KRT24: variants seen among roughly 807,000 people sequenced by gnomAD.
KRT24 encodes the protein keratin 24.
KRT24 carries 44 observed loss-of-function variants against 51.7 expected under a neutral mutation model. That is an observed-to-expected ratio of 0.85 (90% CI 0.67 to 1.09). The LOEUF is 1.09. KRT24 is among the 50% of genes least tolerant of loss of function. The pLI is 0.00. For synonymous variants in KRT24, 241 were observed against 249.5 expected, an observed-to-expected ratio of 0.97 and a Z score of 0.32; for missense variants, 633 against 647.0, an observed-to-expected ratio of 0.98 and a Z score of 0.24.
chr17:40,698,584 C>T lies in KRT24; in HGVS notation c.1428G>A (p.Leu476=). 1 of 1,613,186 alleles carries T rather than the reference C, an allele frequency of 6.2e-7. No individual in the cohort carries two copies. ...TTCCAGATCTTGAGTCACCAGATACCAGATCCCTGGATCCCATGTTTACAG... is the reference window on the plus strand; with the variant it reads ...TTCCAGATCTTGAGTCACCAGATACTAGATCCCTGGATCCCATGTTTACAG... ...SGSVNMGSRD[L]VSGDSRSGSC... Residue 476 remains leucine, a synonymous_variant, in exon 7 of 8, where the codon CTG becomes CTA. Transcript: ENST00000264651.
chr17:40,703,637 C>G lies in KRT24; in HGVS notation c.57G>C (p.Arg19Ser), dbSNP rs780039420. 6.2e-7 allele frequency: 1 copy of G among 1,605,806 alleles called. No individual in the cohort carries two copies. Among genetic ancestry groups the G allele is most frequent in the South Asian group, 1.1e-5 (1 of 89,578 alleles). Residue 19 changes from arginine to serine, a missense_variant, in exon 1 of 8, where the codon AGG becomes AGC. Arg to Ser is a moderately radical substitution (Grantham distance 110). Transcript: ENST00000264651. ...TGAAGCTGCTTCCACCAGCAGACACCCTGGCTGAGCTGCTGCCTCCAGCCC... is the reference window on the plus strand; with the variant it reads ...TGAAGCTGCTTCCACCAGCAGACACGCTGGCTGAGCTGCTGCCTCCAGCCC... ...SSRAGGSSSA[R>S]VSAGGSSFSS...
chr17:40,701,454 A>G (rs2037676376), intron 2 of KRT24, among the ~76,000 whole-genome samples, 158 bp from the exon 3 acceptor site: 1 of 152,192 alleles, frequency 6.6e-6, no homozygotes, highest in African/African-American at 2.4e-5. Context: ...TCCCTTGTAA[A>G]GAAAAATACC....
Position 40,698,204 on chromosome 17 carries a change from T to C in KRT24, c.*33A>G, listed in dbSNP as rs781137911. 1.5e-6 allele frequency: 2 copies of C among 1,341,500 alleles called. No individual in the cohort carries two copies. The highest frequency in any genetic ancestry group is 2.4e-5 in the South Asian group (2 of 84,922). The allele number at this position is 1,341,500 out of a possible 1,614,324, so 83.1% of individuals were successfully genotyped here. On this transcript the variant is annotated 3_prime_UTR_variant, in exon 8 of 8. Transcript: ENST00000264651. ...TTGTGTCCTTCTTGATTTTTTTTTC[T>C]TTGAAAGACACTTTTGTTGATCTGG...
At chr17:40,699,780 A>G (rs904098847) in intron 5 of KRT24, 119 bp from the exon 6 acceptor site, 1 of 1,006,942 alleles carries the variant, frequency 9.9e-7, no homozygotes, top group African/African-American at 1.6e-5. Context: ...ATATTGTTAT[A>G]TCATTGCTTC....
Position 40,703,324 on chromosome 17 carries a change from C to A in KRT24, c.370G>T (p.Gly124Cys), listed in dbSNP as rs762874562. The A allele has an allele frequency of 6.2e-7, 1 of 1,614,116 alleles. No homozygotes were observed. The highest frequency in any genetic ancestry group is 2.2e-5 in the East Asian group (1 of 44,874). ...GATGGFYSYG[G>C]GMGGGVGDGG... is the part of the protein sequence containing the mutation. ...TCGCCAACACCACCTCCCATACCAC[C>A]ACCATAGCTGTAGAAGCCTCCAGTA... The change falls in exon 1 of 8, where the codon GGT (glycine) becomes TGT (cysteine). Residue 124 changes from glycine (G) to cysteine (C), a missense_variant. By Grantham distance (159) the Gly-to-Cys change is radical. Coordinates refer to ENST00000264651, the MANE Select transcript of KRT24 (RefSeq NM_019016.3).
chr17:40,700,251 G>C lies in KRT24; in HGVS notation c.988C>G (p.Arg330Gly), dbSNP rs749795235. The C allele has an allele frequency of 6.2e-7, 1 of 1,614,120 alleles. No homozygotes were observed. The highest frequency in any genetic ancestry group is 8.5e-7 in the Non-Finnish European group (1 of 1,180,020). The change falls in exon 4 of 8, where the codon CGA becomes GGA. Residue 330 changes from arginine to glycine, a missense_variant. Coordinates refer to ENST00000264651, the MANE Select transcript of KRT24 (RefSeq NM_019016.3). ...TTGTTGAACCGCTCCTCAGCCTCTC[G>C]GCGGTTTTGCTCAGCCAGCTCCTCG... Reference protein sequence around the residue: ...QYEELAEQNRREAEERFNKQS... With the variant: ...QYEELAEQNRGEAEERFNKQS...
chr17:40,699,574 C>T lies in KRT24; in HGVS notation c.1231G>A (p.Glu411Lys), dbSNP rs758202130. 14 of 1,614,130 alleles carry T rather than the reference C, an allele frequency of 8.7e-6. No individual in the cohort carries two copies. In the Admixed American group the frequency reaches 1.0e-4, roughly 12 times the overall value. The change falls in exon 6 of 8, where the codon GAG (glutamate) becomes AAG (lysine). Residue 411 changes from glutamate to lysine, a missense_variant. Physicochemically the swap from Glu to Lys is moderately conservative, Grantham distance 56. Coordinates refer to ENST00000264651, the MANE Select transcript of KRT24 (RefSeq NM_019016.3). ...SEIQTQISAL[E>K]EEICQIWGET... is the part of the protein sequence containing the mutation. ...CCCCAGATCTGGCAGATCTCCTCCTCCAGGGCACTGATCTGCGTTTGAATT... is the reference window on the plus strand; with the variant it reads ...CCCCAGATCTGGCAGATCTCCTCCTTCAGGGCACTGATCTGCGTTTGAATT...
rs201003553 is a variant in KRT24, at chr17:40,700,096, T to C, written c.1045A>G (p.Thr349Ala). 6.2e-7 allele frequency: 1 copy of C among 1,614,152 alleles called. No individual in the cohort carries two copies. The highest frequency in any genetic ancestry group is 8.5e-7 in the Non-Finnish European group (1 of 1,180,030). Residue 349 changes from threonine to alanine, a missense_variant, in exon 5 of 8, where the codon ACT (threonine) becomes GCT (alanine). Transcript: ENST00000264651. Reference sequence around the variant, plus strand: ...GCAGAAGTGGCTGCCCCAGCATCAGTGGAGATTTGTGCTTGTAGTGATGCG... The same window carrying C: ...GCAGAAGTGGCTGCCCCAGCATCAGCGGAGATTTGTGCTTGTAGTGATGCG... Reference protein sequence around the residue: ...QSASLQAQISTDAGAATSAKN... With the variant: ...QSASLQAQISADAGAATSAKN...
intron 1 of KRT24, among the ~76,000 whole-genome samples, chr17:40,702,678 T>C (rs762720714): frequency 6.6e-6 from 1 of 152,186 alleles, no homozygotes; most frequent in African/African-American, 2.4e-5. Flanking sequence ...TTATGTAATG[T>C]TTGCACCAGA....
intron 7 of KRT24, 85 bp downstream of exon 7, chr17:40,698,453 A>T: frequency 9.1e-7 from 1 of 1,097,136 alleles, no homozygotes; most frequent in Non-Finnish European, 1.4e-6. Flanking sequence ...TTATGTAAAA[A>T]ATAGCGGACT....
rs1250402397 is a variant in KRT24 at position 40,703,363 on chromosome 17, A to T, written c.331T>A (p.Phe111Ile). 5 of 1,613,808 alleles carry T rather than the reference A, an allele frequency of 3.1e-6. No individual in the cohort carries two copies. The South Asian group carries it at 3.3e-5, about 11-fold the overall frequency. Residue 111 changes from phenylalanine (F) to isoleucine (I), a missense_variant, in exon 1 of 8, where the codon TTC becomes ATC. Phe to Ile is a conservative substitution (Grantham distance 21, BLOSUM62 0). Coordinates refer to ENST00000264651, the MANE Select transcript of KRT24 (RefSeq NM_019016.3). ...RGSGFCGSSR[F>I]SSGATGGFYS... ...AAGCCTCCAGTAGCACCACTGCTGAATCTAGAACTCCCACAGAATCCAGAA... is the reference window on the plus strand; with the variant it reads ...AAGCCTCCAGTAGCACCACTGCTGATTCTAGAACTCCCACAGAATCCAGAA...
rs200612551 is a variant in KRT24, at chr17:40,700,063, C to A, written c.1078G>T (p.Glu360Ter). 53 of 1,614,068 alleles carry A rather than the reference C, an allele frequency of 3.3e-5. No homozygotes were observed. The highest frequency in any genetic ancestry group is 4.1e-5 in the Non-Finnish European group (48 of 1,180,046). The change falls in exon 5 of 8, where the codon GAG (glutamate) becomes TAG (stop). Residue 360 changes from glutamate to a stop codon, truncating the protein, a stop_gained. Coordinates refer to ENST00000264651, the MANE Select transcript of KRT24 (RefSeq NM_019016.3). LOFTEE classifies it high-confidence loss of function. Reference protein sequence around the residue: ...DAGAATSAKNEITELKRTLQA... With the variant: ...DAGAATSAKN ...AGGGTACGTTTTAGTTCTGTTATCT[C>A]ATTCTTGGCAGAAGTGGCTGCCCCA...
chr17:40,698,734 G>C, intron 6 of KRT24, 84 bp from the exon 7 acceptor site: 1 of 749,388 alleles, frequency 1.3e-6, no homozygotes, highest in Non-Finnish European at 2.4e-6. Flanking sequence ...TCATGATGAA[G>C]TTTTGGATGT....
rs371890231 is a variant in KRT24 at position 40,703,724 on chromosome 17, C to T, written c.-31G>A. 17 of 1,526,704 alleles carry T rather than the reference C, an allele frequency of 1.1e-5. No individual in the cohort carries two copies. Among genetic ancestry groups the T allele is most frequent in the Middle Eastern group, 2.2e-4 (1 of 4,468 alleles). The allele number at this position is 1,526,704 out of a possible 1,614,324, so 94.6% of individuals were successfully genotyped here. ...TCCTGCAAACATGAGCTTGTCCAGG[C>T]GAATAGGAGAGGTGATGACGAAGAG... On this transcript the variant is annotated 5_prime_UTR_variant, in exon 1 of 8. Coordinates refer to ENST00000264651, the MANE Select transcript of KRT24 (RefSeq NM_019016.3).
At chr17:40,698,738 T>G in intron 6 of KRT24, 88 bp from the exon 7 acceptor site, 2 of 744,384 alleles carry the variant, frequency 2.7e-6, no homozygotes, top group South Asian at 3.2e-5. Flanking sequence ...GATGAAGTTT[T>G]GGATGTGTTT....
At chr17:40,701,446 C>T (rs1167430550) in intron 2 of KRT24, 150 bp from the exon 3 acceptor site, 16 of 542,080 alleles carry the variant, frequency 3.0e-5, no homozygotes, top group Non-Finnish European at 4.6e-5. Context: ...GGAAATTTTC[C>T]CTTGTAAAGA....
chr17:40,703,034 T>C, intron 1 of KRT24, 45 bp downstream of exon 1: 1 of 1,520,914 alleles, frequency 6.6e-7, no homozygotes. Flanking sequence ...TGAAAAGAAG[T>C]GAAAGATCCA....
chr17:40,700,802 C>T (rs2037667685), intron 3 of KRT24, among the ~76,000 whole-genome samples: 1 of 152,082 alleles, frequency 6.6e-6, no homozygotes, highest in South Asian at 2.1e-4. Context: ...GGGGTTTCAC[C>T]ATGTTGGTCA....
intron 6 of KRT24, among the ~76,000 whole-genome samples, chr17:40,699,200 T>C (rs998067562): frequency 6.6e-6 from 1 of 152,034 alleles, no homozygotes; most frequent in Non-Finnish European, 1.5e-5. Flanking sequence ...TTAAAAATTA[T>C]TTTTTGAAGA....
Sources: allele counts gnomAD v4.1 joint callset (sites outside exome capture counted in the v4.1 genomes callset), GRCh38; gene constraint gnomAD v4.1.1; transcripts MANE v1.5; gene names NCBI Gene and HGNC (gene_info 2026-07-23, HGNC 2026-07-21).